MAGEC3: variants seen among roughly 807,000 people sequenced by gnomAD.
The protein encoded by MAGEC3 is melanoma-associated antigen C3.
A neutral mutation model predicts 35.3 loss-of-function variants in MAGEC3; 34 were observed. That is an observed-to-expected ratio of 0.96 (90% confidence interval 0.73 to 1.28). MAGEC3 has a LOEUF of 1.28. MAGEC3 is among the 50% of genes most tolerant of loss of function. The pLI is 0.00. For synonymous variants in MAGEC3, 202 were observed against 185.6 expected (o/e 1.09, Z -0.72); for missense variants, 561 against 483.6 (o/e 1.16, Z -1.50).
At position 141,896,947 on chromosome X, in the gene MAGEC3, C is replaced by T. The variant is rs1353910147; in HGVS notation, c.1189C>T (p.Gln397Ter). 4 of 1,185,716 alleles carry T rather than the reference C, an allele frequency of 3.4e-6. No homozygotes were observed. The highest frequency in any genetic ancestry group is 4.5e-6 in the Non-Finnish European group (4 of 882,953). The stretch of plus-strand genomic sequence containing the variant: ...CCAGAGTCCTCCTGAGATTCCTCCC[C>T]AGGGTCCTCCCAAGATCTCTCCCCA... ...LPQSPPEIPPQGPPKISPQGP... is the reference protein window; with the variant it reads ...LPQSPPEIPP Residue 397 changes from glutamine to a stop codon, truncating the protein, a stop_gained, in exon 7 of 8, where the codon CAG (glutamine) becomes TAG (stop). Transcript: ENST00000298296. LOFTEE classifies it high-confidence loss of function.
chrX:141,867,527 AAAAC>A (rs1220295075), intron 2 of MAGEC3, among the ~76,000 whole-genome samples: 5 of 112,116 alleles, frequency 4.5e-5, no homozygotes, highest in African/African-American at 9.7e-5. Context: ...AAAACAAAAC[AAAAC>A]AAACAAACGA....
intron 2 of MAGEC3, among the ~76,000 whole-genome samples, chrX:141,867,375 A>C (rs891509757): frequency 9.0e-6 from 1 of 111,508 alleles, no homozygotes; most frequent in Admixed American, 9.5e-5. Context: ...AGACTCAGGG[A>C]GTATGCCTGC....
intron 4 of MAGEC3, among the ~76,000 whole-genome samples, chrX:141,884,945 G>C (rs984688097): frequency 9.0e-6 from 1 of 111,538 alleles, no homozygotes; most frequent in African/African-American, 3.3e-5. Context: ...CCCTGAGTGA[G>C]AGTCTTATCT....
chrX:141,852,565 G>C (rs1350959743), intron 1 of MAGEC3, among the ~76,000 whole-genome samples: 7 of 110,489 alleles, frequency 6.3e-5, no homozygotes, highest in Non-Finnish European at 1.1e-4. Flanking sequence ...GTTAGCTGCA[G>C]GGGTTTTTTA....
rs3972654 is a variant in MAGEC3, at chrX:141,864,316, C to CAAAAA, written c.124-1140_124-1136dup. ...GCAACATAGTGAGACCTCATCTCTA[C>CAAAAA]AAAAAAAAAAAAAAAAAAATTAAAA... On this transcript the variant is annotated intron_variant, in intron 1 of 7. Transcript: ENST00000298296. Among the ~76,000 whole-genome samples, 33 of 32,274 alleles carry CAAAAA rather than the reference C, an allele frequency of 1.0e-3. 2 individuals carry two copies. Among genetic ancestry groups the CAAAAA allele is most frequent in the Non-Finnish European group, 1.2e-3 (17 of 13,652 alleles). 28.0% of individuals were successfully genotyped at this position (32,274 alleles called of 115,157 possible). A position where few individuals can be genotyped will look rare whatever the true frequency, so the allele number is the denominator to read the frequency against.
At position 141,895,500 on chromosome X, in the gene MAGEC3, G is replaced by C; in HGVS notation, c.1064G>C (p.Arg355Thr). 1 of 1,210,967 alleles carries C rather than the reference G, an allele frequency of 8.3e-7. No individual in the cohort carries two copies. Among genetic ancestry groups the C allele is most frequent in the Non-Finnish European group, 1.1e-6 (1 of 895,133 alleles). Residue 355 changes from arginine (R) to threonine (T), a missense_variant, in exon 6 of 8, where the codon AGA becomes ACA. Transcript: ENST00000298296. ...LANPQGLAGH[R>T]QEDGRRGLTE... ...GCTGCCATAGGACTTGCAGGCCACA[G>C]ACAGGAAGATGGCCGCCGAGGGCTG...
At chrX:141,851,055 ATAGAAG>A (rs2124087610) in intron 1 of MAGEC3, among the ~76,000 whole-genome samples, 1 of 111,304 alleles carries the variant, frequency 9.0e-6, no homozygotes, top group African/African-American at 3.2e-5. Context: ...CATCCAACAA[ATAGAAG>A]TAGGATTAGT....
chrX:141,876,283 C>T (rs778357662), intron 2 of MAGEC3, among the ~76,000 whole-genome samples: 11 of 111,655 alleles, frequency 9.9e-5, no homozygotes, highest in Non-Finnish European at 1.7e-4. Context: ...ATTTCTTGGA[C>T]CCCCAGAGTT....
chrX:141,847,900 A>C (rs755877127), intron 1 of MAGEC3, among the ~76,000 whole-genome samples: 1 of 111,336 alleles, frequency 9.0e-6, no homozygotes, highest in Non-Finnish European at 1.9e-5. Context: ...AAGTAAATAC[A>C]GAAAATCCAT....
chrX:141,838,553 G>A, intron 1 of MAGEC3, 115 bp downstream of exon 1: 1 of 1,065,199 alleles, frequency 9.4e-7, no homozygotes, highest in South Asian at 2.9e-5. Flanking sequence ...TGTTGGGGGT[G>A]AGGCTCTAAG....
chrX:141,894,570 G>C, intron 4 of MAGEC3: 2 of 826,468 alleles, frequency 2.4e-6, no homozygotes, highest in Non-Finnish European at 3.1e-6. Context: ...GACAGGAGAA[G>C]GGGGGAGTGC....
At chrX:141,866,891 C>T (rs141502338) in intron 2 of MAGEC3, among the ~76,000 whole-genome samples, 228 of 111,664 alleles carry the variant, frequency 2.0e-3, no homozygotes, top group African/African-American at 6.6e-3. Context: ...TTCACGTATG[C>T]GTAAATTAAT....
chrX:141,872,224 C>T (rs900777477), intron 2 of MAGEC3, among the ~76,000 whole-genome samples: 13 of 111,039 alleles, frequency 1.2e-4, no homozygotes, highest in African/African-American at 3.9e-4. Flanking sequence ...CATTGGCTGT[C>T]GTTATCTAAT....
chrX:141,879,417 G>A lies in MAGEC3; in HGVS notation c.501G>A (p.Gly167=). 1.2e-5 allele frequency: 14 copies of A among 1,179,843 alleles called. No homozygotes were observed. Among genetic ancestry groups the A allele is most frequent in the Non-Finnish European group, 1.6e-5 (14 of 878,444 alleles). Residue 167 remains glycine (G), a synonymous_variant, in exon 3 of 8, where the codon GGG becomes GGA. Coordinates refer to ENST00000298296, the MANE Select transcript of MAGEC3 (RefSeq NM_138702.1). ...PAVSPGKRLW[G]EKAGSLPESE... ...TCAGCCCTGGAAAAAGGTTGTGGGGGGAGAAAGCGGGGAGGTGGGCAGGGA... is the reference window on the plus strand; with the variant it reads ...TCAGCCCTGGAAAAAGGTTGTGGGGAGAGAAAGCGGGGAGGTGGGCAGGGA...
chrX:141,864,655 A>C (rs2017837086), intron 1 of MAGEC3, among the ~76,000 whole-genome samples: 1 of 111,629 alleles, frequency 9.0e-6, no homozygotes, highest in Admixed American at 9.6e-5. Flanking sequence ...GGAGAGGATC[A>C]GGAAAAATAA....
chrX:141,874,000 A>G (rs2017904582), intron 2 of MAGEC3, among the ~76,000 whole-genome samples: 1 of 112,436 alleles, frequency 8.9e-6, no homozygotes. Context: ...ACAGTGTGAT[A>G]TTAAAGAAAT....
intron 2 of MAGEC3, among the ~76,000 whole-genome samples, chrX:141,870,880 C>A (rs1218641459): frequency 8.9e-6 from 1 of 112,280 alleles, no homozygotes; most frequent in Non-Finnish European, 1.9e-5. Flanking sequence ...GCCAAAGAAG[C>A]AGGTTACAAC....
At chrX:141,871,853 G>C (rs187897837) in intron 2 of MAGEC3, among the ~76,000 whole-genome samples, 3 of 109,560 alleles carry the variant, frequency 2.7e-5, no homozygotes, top group African/African-American at 1.0e-4. Flanking sequence ...ATGGGTAACA[G>C]GTGGAGAAGT....
At chrX:141,887,231 AG>A (rs1163356811) in intron 4 of MAGEC3, among the ~76,000 whole-genome samples, 1 of 112,518 alleles carries the variant, frequency 8.9e-6, no homozygotes, top group Non-Finnish European at 1.9e-5. Context: ...GTCATACCTC[AG>A]GGGTACATCC....
Sources: gnomAD v4.1 joint callset for allele counts (sites outside exome capture counted in the v4.1 genomes callset) on GRCh38, gnomAD v4.1.1 for gene constraint, MANE v1.5 for transcripts, NCBI Gene and HGNC (gene_info 2026-07-23, HGNC 2026-07-21) for gene names.